Variants in HPSE2 observed in about 807,000 individuals in gnomAD.
The protein encoded by HPSE2 is inactive heparanase-2.
In HPSE2, 38 loss-of-function variants were observed where a neutral mutation model predicts 60.5. That is an observed-to-expected ratio of 0.63 (90% CI 0.48 to 0.82). The LOEUF (loss-of-function observed/expected upper bound fraction) is 0.82, where lower values mean the gene tolerates loss of function less well. HPSE2 is among the 40% of genes least tolerant of loss of function. The probability of loss-of-function intolerance (pLI) is 0.00; values close to 1 mark genes in which losing one functional copy is unlikely to be tolerated. For synonymous variants in HPSE2, 295 were observed against 293.2 expected (o/e 1.01, Z -0.06); for missense variants, 713 against 740.4 (o/e 0.96, Z 0.43).
the HPSE2 span, among the ~76,000 whole-genome samples, chr10:99,300,965 AC>A: frequency 6.6e-6 from 1 of 152,178 alleles, no homozygotes; most frequent in African/African-American, 2.4e-5. Flanking sequence ...CTGTAAAAAA[AC>A]CAAATGGGGA....
chr10:98,651,363 A>AT (rs1178643018), intron 6 of HPSE2, among the ~76,000 whole-genome samples: 1 of 152,190 alleles, frequency 6.6e-6, no homozygotes, highest in Non-Finnish European at 1.5e-5. Flanking sequence ...AGGAAATAAA[A>AT]TTTAAGTTCC....
At chr10:99,173,936 T>A (rs1847419962) in intron 2 of HPSE2, among the ~76,000 whole-genome samples, 1 of 112,380 alleles carries the variant, frequency 8.9e-6, no homozygotes, top group South Asian at 3.3e-4. Flanking sequence ...AGAGCGAGAC[T>A]CTGTCTCAAA....
chr10:98,791,717 C>G (rs983835530), intron 3 of HPSE2, among the ~76,000 whole-genome samples: 2 of 152,006 alleles, frequency 1.3e-5, no homozygotes, highest in East Asian at 3.9e-4. Flanking sequence ...AATTTCATAC[C>G]TTTTTCTTAT....
intron 11 of HPSE2, chr10:98,461,919 G>A: frequency 1.1e-6 from 1 of 891,012 alleles, no homozygotes; most frequent in Non-Finnish European, 1.8e-6. Flanking sequence ...TTTCTTTATT[G>A]GTTGGTTAAA....
chr10:99,188,582 C>T (rs930288187), intron 2 of HPSE2, among the ~76,000 whole-genome samples: 3 of 152,040 alleles, frequency 2.0e-5, no homozygotes, highest in Non-Finnish European at 2.9e-5. Context: ...GAAACAACAG[C>T]AAATCATACA....
intron 3 of HPSE2, among the ~76,000 whole-genome samples, chr10:99,102,110 A>C (rs1844023744): frequency 6.6e-6 from 1 of 152,246 alleles, no homozygotes; most frequent in Non-Finnish European, 1.5e-5. Flanking sequence ...AAGCTAGCAG[A>C]AGGCAAGAAA....
chr10:99,282,000 C>T, the HPSE2 span, among the ~76,000 whole-genome samples: 5 of 152,062 alleles, frequency 3.3e-5, no homozygotes, highest in Non-Finnish European at 7.4e-5. Flanking sequence ...TGGCTCATGC[C>T]TGTAATCCCA....
intron 3 of HPSE2, among the ~76,000 whole-genome samples, chr10:98,981,483 G>C (rs1956205380): frequency 6.6e-6 from 1 of 152,060 alleles, no homozygotes; most frequent in African/African-American, 2.4e-5. Flanking sequence ...CTTAGTGTAA[G>C]AATCATTGAA....
intron 3 of HPSE2, among the ~76,000 whole-genome samples, chr10:98,845,986 G>A (rs1235640541): frequency 6.6e-6 from 1 of 152,164 alleles, no homozygotes; most frequent in Non-Finnish European, 1.5e-5. Context: ...GCAGAATAAG[G>A]GGCCTTGGGC....
At chr10:99,163,406 G>A (rs578145812) in intron 2 of HPSE2, among the ~76,000 whole-genome samples, 30 of 152,154 alleles carry the variant, frequency 2.0e-4, no homozygotes, top group African/African-American at 5.8e-4. Flanking sequence ...ACCACTCTGC[G>A]ATGACATTCT....
At chr10:98,712,736 G>A (rs1948704817) in intron 5 of HPSE2, among the ~76,000 whole-genome samples, 2 of 152,054 alleles carry the variant, frequency 1.3e-5, no homozygotes, top group Admixed American at 1.3e-4. Context: ...TCTGAGCCAC[G>A]ATAGGAGCAG....
intron 2 of HPSE2, among the ~76,000 whole-genome samples, chr10:99,152,900 T>C (rs1276086163): frequency 6.6e-6 from 1 of 152,320 alleles, no homozygotes; most frequent in East Asian, 1.9e-4. Flanking sequence ...GCGCGCATCG[T>C]GCGCGAGCCG....
intron 3 of HPSE2, among the ~76,000 whole-genome samples, chr10:98,881,357 T>C (rs568461198): frequency 6.6e-6 from 1 of 152,182 alleles, no homozygotes; most frequent in South Asian, 2.1e-4. Flanking sequence ...AGGTAGGGGT[T>C]GCACATATGA....
intron 3 of HPSE2, among the ~76,000 whole-genome samples, chr10:99,042,552 A>G (rs1451709056): frequency 6.6e-6 from 1 of 152,038 alleles, no homozygotes; most frequent in Admixed American, 6.5e-5. Flanking sequence ...GCCAAGATCT[A>G]TGACCAGCAC....
chr10:98,527,177 A>T (rs1291984178), intron 9 of HPSE2, among the ~76,000 whole-genome samples: 1 of 152,096 alleles, frequency 6.6e-6, no homozygotes, highest in Non-Finnish European at 1.5e-5. Flanking sequence ...AGTTGAGCCA[A>T]TAGCTTCCTC....
chr10:98,906,006 T>C (rs942636500), intron 3 of HPSE2, among the ~76,000 whole-genome samples: 7 of 152,152 alleles, frequency 4.6e-5, no homozygotes, highest in African/African-American at 1.7e-4. Flanking sequence ...GGAATTGTCC[T>C]TAGCTGAAAA....
At chr10:99,305,966 C>CTAT in the HPSE2 span, among the ~76,000 whole-genome samples, 5 of 100,890 alleles carry the variant, frequency 5.0e-5, no homozygotes, top group African/African-American at 1.9e-4. Flanking sequence ...CACACACGCG[C>CTAT]GCGCGCGCGC....
chr10:98,901,511 A>G (rs547984694), intron 3 of HPSE2, among the ~76,000 whole-genome samples: 43 of 152,296 alleles, frequency 2.8e-4, no homozygotes, highest in African/African-American at 1.0e-3. Context: ...GCTTGCTGCT[A>G]AACAGGGCTG....
intron 3 of HPSE2, among the ~76,000 whole-genome samples, chr10:98,922,299 CA>C (rs1954304139): frequency 6.6e-6 from 1 of 152,142 alleles, no homozygotes. Flanking sequence ...TAGTGCCCTT[CA>C]GGGGAGCTGG....
Sources: allele counts gnomAD v4.1 joint callset (sites outside exome capture counted in the v4.1 genomes callset), GRCh38; gene constraint gnomAD v4.1.1; transcripts MANE v1.5; gene names NCBI Gene and HGNC (gene_info 2026-07-23, HGNC 2026-07-21).